BMP5: variants seen among roughly 807,000 people sequenced by gnomAD.
The protein encoded by BMP5 is bone morphogenetic protein 5.
A neutral mutation model predicts 46.6 loss-of-function variants in BMP5; 23 were observed. The ratio of observed to expected loss-of-function variants is 0.49; its 90% CI spans 0.35 to 0.70. BMP5 has a LOEUF of 0.70. Among genes scored for constraint, BMP5 ranks in the 30% least tolerant of loss-of-function variants. The pLI is 0.00. For synonymous variants in BMP5, 204 were observed against 191.9 expected (o/e 1.06, Z -0.52); for missense variants, 545 against 565.6 (o/e 0.96, Z 0.37).
intron 1 of BMP5, among the ~76,000 whole-genome samples, chr6:55,849,939 T>C (rs1171469446): frequency 1.3e-5 from 2 of 152,148 alleles, no homozygotes; most frequent in East Asian, 3.8e-4. Flanking sequence ...CATTTTCTGG[T>C]GGACCTATCA....
chr6:55,792,586 T>C (rs1241081205), intron 3 of BMP5, among the ~76,000 whole-genome samples: 1 of 149,506 alleles, frequency 6.7e-6, no homozygotes. Context: ...CGCACTAGAC[T>C]AACCCTTTAA....
At chr6:55,802,438 G>A (rs375483812) in intron 2 of BMP5, among the ~76,000 whole-genome samples, 45 of 152,176 alleles carry the variant, frequency 3.0e-4, no homozygotes, top group African/African-American at 9.4e-4. Flanking sequence ...ACACCACTTC[G>A]TACTCCCTTG....
intron 2 of BMP5, among the ~76,000 whole-genome samples, chr6:55,809,755 C>T (rs1345142980): frequency 1.3e-5 from 2 of 152,022 alleles, no homozygotes; most frequent in African/African-American, 4.8e-5. Flanking sequence ...TCATGAAGCA[C>T]TTAAACCTGG....
At chr6:55,790,620 T>A (rs950706972) in intron 3 of BMP5, among the ~76,000 whole-genome samples, 6 of 152,222 alleles carry the variant, frequency 3.9e-5, no homozygotes, top group Non-Finnish European at 8.8e-5. Flanking sequence ...CCTGGACTGT[T>A]AAATTTTTCC....
intron 1 of BMP5, among the ~76,000 whole-genome samples, chr6:55,841,942 G>GAGAGAT (rs1399152751): frequency 6.6e-6 from 1 of 151,780 alleles, no homozygotes; most frequent in Non-Finnish European, 1.5e-5. Context: ...GAGAGAGAGA[G>GAGAGAT]ATTTTTCTAT....
intron 2 of BMP5, among the ~76,000 whole-genome samples, chr6:55,796,657 C>G (rs1456514843): frequency 2.3e-5 from 3 of 129,374 alleles, no homozygotes; most frequent in Non-Finnish European, 3.3e-5. Context: ...CCCCTCCCCC[C>G]ACCCCACAAC....
chr6:55,763,837 T>C (rs1005933224), intron 4 of BMP5, among the ~76,000 whole-genome samples: 6 of 152,216 alleles, frequency 3.9e-5, no homozygotes, highest in African/African-American at 1.4e-4. Context: ...AAATACTTTA[T>C]GCAAATTTCT....
In BMP5 at chr6:55,819,743, G is replaced by A. The variant is rs753416646; in HGVS notation, c.595C>T (p.Arg199Trp). The A allele has an allele frequency of 2.2e-5, 35 of 1,613,392 alleles. No homozygotes were observed. Among genetic ancestry groups the A allele is most frequent in the Admixed American group, 3.3e-5 (2 of 59,884 alleles). ...HGEAVTAAEF[R>W]IYKDRSNNRF... Reference sequence around the variant, plus strand: ...TTGTTGCTCCGGTCCTTGTATATCCGGAATTCAGCTGCTGTCACTGCCTCT... The same window carrying A: ...TTGTTGCTCCGGTCCTTGTATATCCAGAATTCAGCTGCTGTCACTGCCTCT... The change falls in exon 2 of 7, where the codon CGG (arginine) becomes TGG (tryptophan). Residue 199 changes from arginine (R) to tryptophan (W), a missense_variant. By Grantham distance (101) the Arg-to-Trp change is moderately radical. Transcript: ENST00000370830.
rs16887241 is a variant in BMP5, at chr6:55,841,429, T to C, written c.491-21582A>G. ...TCTTTTCTTCAGTTTAAATTGTTTC[T>C]ATTGATTTGTTTTCAAGTATAATGG... On this transcript the variant is annotated intron_variant, in intron 1 of 6. Transcript: ENST00000370830. 2.5e-3 allele frequency among the ~76,000 whole-genome samples: 374 copies of C among 152,334 alleles called. 13 individuals are homozygous for C. The East Asian group carries it at 0.066, about 27-fold the overall frequency.
At chr6:55,757,083 GT>G (rs1427597804) in intron 6 of BMP5, among the ~76,000 whole-genome samples, 1 of 151,828 alleles carries the variant, frequency 6.6e-6, no homozygotes, top group Admixed American at 6.6e-5. Flanking sequence ...CTTGTTCAAA[GT>G]TTGTGTCAGA....
intron 2 of BMP5, among the ~76,000 whole-genome samples, chr6:55,807,340 G>A (rs945710278): frequency 3.9e-5 from 6 of 152,178 alleles, no homozygotes; most frequent in African/African-American, 1.4e-4. Context: ...TTTGTCATTG[G>A]TTCTGTTTAT....
chr6:55,836,347 G>A (rs1014416211), intron 1 of BMP5, among the ~76,000 whole-genome samples: 4 of 152,144 alleles, frequency 2.6e-5, no homozygotes, highest in South Asian at 4.1e-4. Context: ...ATTATATAAC[G>A]TGTGTATGTA....
At chr6:55,766,279 C>G (rs1055768121) in intron 4 of BMP5, among the ~76,000 whole-genome samples, 3 of 152,016 alleles carry the variant, frequency 2.0e-5, no homozygotes, top group Non-Finnish European at 4.4e-5. Context: ...TATGGAATTT[C>G]TTTTTCTCCT....
intron 1 of BMP5, among the ~76,000 whole-genome samples, chr6:55,839,409 T>G (rs988654416): frequency 6.6e-6 from 1 of 152,088 alleles, no homozygotes; most frequent in Non-Finnish European, 1.5e-5. Flanking sequence ...TGCAGCCTCC[T>G]GAGCTCAAGC....
intron 1 of BMP5, among the ~76,000 whole-genome samples, chr6:55,831,195 G>C (rs1053558217): frequency 6.6e-6 from 1 of 152,010 alleles, no homozygotes; most frequent in Non-Finnish European, 1.5e-5. Context: ...AAATCCAAGA[G>C]GAAAAGACCA....
chr6:55,780,194 G>A (rs1168211373), intron 3 of BMP5, among the ~76,000 whole-genome samples: 1 of 141,662 alleles, frequency 7.1e-6, no homozygotes, highest in Non-Finnish European at 1.5e-5. Flanking sequence ...AACAAGCATA[G>A]GATTCTGTGG....
At chr6:55,858,728 C>G (rs1777458832) in intron 1 of BMP5, among the ~76,000 whole-genome samples, 1 of 152,164 alleles carries the variant, frequency 6.6e-6, no homozygotes, top group Admixed American at 6.5e-5. Flanking sequence ...AGACTTGGGT[C>G]CAACCCAAAT....
chr6:55,804,709 GT>G (rs1196357671), intron 2 of BMP5, among the ~76,000 whole-genome samples: 1 of 152,090 alleles, frequency 6.6e-6, no homozygotes, highest in African/African-American at 2.4e-5. Flanking sequence ...GCATTGAGGG[GT>G]GAATTAACTA....
intron 3 of BMP5, among the ~76,000 whole-genome samples, chr6:55,791,279 C>T (rs191435666): frequency 3.0e-4 from 46 of 152,212 alleles, no homozygotes; most frequent in African/African-American, 1.1e-3. Flanking sequence ...AACTAAGGTG[C>T]CCAGAGAATC....
Sources: gnomAD v4.1 joint callset for allele counts (sites outside exome capture counted in the v4.1 genomes callset) on GRCh38, gnomAD v4.1.1 for gene constraint, MANE v1.5 for transcripts, NCBI Gene and HGNC (gene_info 2026-07-23, HGNC 2026-07-21) for gene names.